KLF8: variants seen among roughly 807,000 people sequenced by gnomAD.
The protein encoded by KLF8 is KLF transcription factor 8.
KLF8 carries 10 observed loss-of-function variants against 18.2 expected under a neutral mutation model. The ratio of observed to expected loss-of-function variants is 0.55; its 90% CI spans 0.34 to 0.93. KLF8 has a LOEUF of 0.93. KLF8 is among the 40% of genes least tolerant of loss of function. KLF8 has a pLI of 0.02. For synonymous variants in KLF8, 109 were observed against 97.3 expected, an observed-to-expected ratio of 1.12 and a Z score of -0.71; for missense variants, 264 against 277.9, an observed-to-expected ratio of 0.95 and a Z score of 0.36.
the KLF8 span, among the ~76,000 whole-genome samples, chrX:56,130,633 G>A: frequency 5.4e-5 from 6 of 111,282 alleles, no homozygotes; most frequent in Admixed American, 4.8e-4. Context: ...TAACTCACCA[G>A]CAATGGATCC....
the KLF8 span, among the ~76,000 whole-genome samples, chrX:55,997,215 T>G: frequency 8.9e-6 from 1 of 112,098 alleles, no homozygotes; most frequent in Non-Finnish European, 1.9e-5. Flanking sequence ...GAGATAGCCC[T>G]GTTATGTCCA....
At chrX:55,991,424 G>A in the KLF8 span, among the ~76,000 whole-genome samples, 2 of 112,048 alleles carry the variant, frequency 1.8e-5, no homozygotes, top group African/African-American at 6.5e-5. Flanking sequence ...GACTAGGAAA[G>A]GGAATTCCGT....
chrX:56,149,813 C>A, the KLF8 span, among the ~76,000 whole-genome samples: 1 of 110,508 alleles, frequency 9.0e-6, no homozygotes, highest in Non-Finnish European at 1.9e-5. Flanking sequence ...CTCACTAACC[C>A]CTTAAGAAAA....
At chrX:56,144,537 C>T in the KLF8 span, among the ~76,000 whole-genome samples, 1 of 108,538 alleles carries the variant, frequency 9.2e-6, no homozygotes, top group Non-Finnish European at 1.9e-5. Flanking sequence ...ATCACAAGGT[C>T]AGGAGTTCAA....
chrX:55,989,880 C>A, the KLF8 span, among the ~76,000 whole-genome samples: 62 of 111,115 alleles, frequency 5.6e-4, no homozygotes, highest in Non-Finnish European at 1.0e-3. Flanking sequence ...TCAATTTCAG[C>A]TCCTGTTATT....
the KLF8 span, among the ~76,000 whole-genome samples, chrX:55,991,347 A>G: frequency 1.8e-5 from 2 of 111,953 alleles, no homozygotes; most frequent in South Asian, 7.5e-4. Flanking sequence ...TGCTAAGACG[A>G]TTGGAAGGGT....
the KLF8 span, among the ~76,000 whole-genome samples, chrX:55,947,382 C>G: frequency 9.3e-6 from 1 of 107,000 alleles, no homozygotes; most frequent in Non-Finnish European, 1.9e-5. Flanking sequence ...TAAACTATCT[C>G]AAGAAGAAAA....
the KLF8 span, among the ~76,000 whole-genome samples, chrX:56,076,485 A>G: frequency 5.0e-4 from 55 of 110,732 alleles, no homozygotes; most frequent in Non-Finnish European, 8.9e-4. Flanking sequence ...ATTTTTTATG[A>G]CTGCATAGTA....
chrX:56,130,115 G>A, the KLF8 span, among the ~76,000 whole-genome samples: 128 of 110,393 alleles, frequency 1.2e-3, 2 homozygotes, highest in African/African-American at 4.0e-3. Flanking sequence ...CTAAGGCCTC[G>A]CCCACCTCCT....
At chrX:56,236,551 C>T (rs888161641) in intron 1 of KLF8, among the ~76,000 whole-genome samples, 1 of 110,831 alleles carries the variant, frequency 9.0e-6, no homozygotes, top group Non-Finnish European at 1.9e-5. Context: ...TTCTAACTGC[C>T]ACCACCTTAA....
chrX:56,148,448 A>T, the KLF8 span, among the ~76,000 whole-genome samples: 26 of 111,133 alleles, frequency 2.3e-4, no homozygotes, highest in Non-Finnish European at 4.0e-4. Flanking sequence ...CTTTAAAAAA[A>T]AAAATAGAGA....
chrX:56,233,389 T>A, intron 1 of KLF8, 48 bp downstream of exon 1: 1 of 965,195 alleles, frequency 1.0e-6, no homozygotes, highest in Non-Finnish European at 1.5e-6. Flanking sequence ...CTCTTTCGTC[T>A]AGATTCTATC....
the KLF8 span, among the ~76,000 whole-genome samples, chrX:56,134,820 GA>G: frequency 4.9e-3 from 509 of 103,992 alleles, 2 homozygotes; most frequent in African/African-American, 0.015. Flanking sequence ...AAGAAAGAAA[GA>G]AAAAAAAAAT....
At chrX:56,049,985 T>C in the KLF8 span, among the ~76,000 whole-genome samples, 5 of 111,339 alleles carry the variant, frequency 4.5e-5, no homozygotes, top group African/African-American at 6.5e-5. Flanking sequence ...TTCTTCCTGG[T>C]TTAGTCTTGG....
chrX:55,925,323 A>T, the KLF8 span, among the ~76,000 whole-genome samples: 1 of 109,361 alleles, frequency 9.1e-6, no homozygotes, highest in African/African-American at 3.3e-5. Context: ...TATTAACCAG[A>T]CAAAAGGGTA....
At chrX:56,224,417 C>A in the KLF8 span, among the ~76,000 whole-genome samples, 1 of 111,722 alleles carries the variant, frequency 9.0e-6, no homozygotes, top group Non-Finnish European at 1.9e-5. Context: ...TAAAAACCAC[C>A]ATAATCCTTC....
At chrX:55,929,306 A>G in the KLF8 span, among the ~76,000 whole-genome samples, 1 of 111,687 alleles carries the variant, frequency 9.0e-6, no homozygotes, top group Non-Finnish European at 1.9e-5. Context: ...ATTTTCTCCC[A>G]TTCTTTAGGT....
At chrX:55,992,507 A>T in the KLF8 span, among the ~76,000 whole-genome samples, 4 of 111,924 alleles carry the variant, frequency 3.6e-5, no homozygotes, top group African/African-American at 9.7e-5. Context: ...GTAGCCTTGT[A>T]ATACCATTTA....
chrX:56,090,655 A>T, the KLF8 span, among the ~76,000 whole-genome samples: 1 of 111,603 alleles, frequency 9.0e-6, no homozygotes, highest in Non-Finnish European at 1.9e-5. Context: ...TCACTTAAAA[A>T]AATTAATTTT....
Sources: gnomAD v4.1 joint callset for allele counts (sites outside exome capture counted in the v4.1 genomes callset) on GRCh38, gnomAD v4.1.1 for gene constraint, MANE v1.5 for transcripts, NCBI Gene and HGNC (gene_info 2026-07-23, HGNC 2026-07-21) for gene names.